EYS: variants seen among roughly 807,000 people sequenced by gnomAD.
The protein encoded by EYS is EGF-like photoreceptor maintenance factor.
In EYS, 250 loss-of-function variants were observed where a neutral mutation model predicts 282.1. The observed-to-expected ratio is 0.89, with a 90% CI of 0.80 to 0.98. The LOEUF (loss-of-function observed/expected upper bound fraction) is 0.98. Ranked by LOEUF, EYS falls within the 50% of genes least tolerant of loss-of-function variation. The probability of loss-of-function intolerance (pLI) is 0.00; values close to 1 mark genes in which losing one functional copy is unlikely to be tolerated. For missense variants in EYS, 4,016 were observed against 3,709.0 expected, an observed-to-expected ratio of 1.08 and a Z score of -2.15; for synonymous variants, 1,355 against 1,282.9, an observed-to-expected ratio of 1.06 and a Z score of -1.20.
chr6:64,961,348 A>G lies in EYS; in HGVS notation c.2260-15434T>C, dbSNP rs73767200. Among the ~76,000 whole-genome samples the G allele has an allele frequency of 2.2e-3, 331 of 152,296 alleles. 4 individuals are homozygous for G. Among genetic ancestry groups the G allele is most frequent in the African/African-American group, 7.4e-3 (307 of 41,580 alleles). On this transcript the variant is annotated intron_variant, in intron 14 of 42. Transcript: ENST00000503581. The stretch of plus-strand genomic sequence containing the variant: ...TTGTATGTATCTGTTGTTGTAAACT[A>G]TTAATTATTCAAATAAATTTTAATA...
At chr6:65,129,401 A>C (rs1775804432) in intron 12 of EYS, among the ~76,000 whole-genome samples, 1 of 152,046 alleles carries the variant, frequency 6.6e-6, no homozygotes, top group South Asian at 2.1e-4. Flanking sequence ...GAATGGGGAA[A>C]ATATTTGCAA....
chr6:64,346,958 A>G (rs796774900), intron 29 of EYS, among the ~76,000 whole-genome samples: 9 of 151,580 alleles, frequency 5.9e-5, no homozygotes, highest in East Asian at 5.9e-4. Flanking sequence ...AGCTTTGACT[A>G]CTAAAAATGC....
At chr6:65,213,374 C>T (rs1290030545) in intron 12 of EYS, among the ~76,000 whole-genome samples, 2 of 152,040 alleles carry the variant, frequency 1.3e-5, no homozygotes, top group African/African-American at 4.8e-5. Context: ...ACAGACATGC[C>T]TTGTTTTATT....
intron 34 of EYS, among the ~76,000 whole-genome samples, chr6:63,992,649 A>G (rs1197646386): frequency 1.3e-5 from 2 of 151,854 alleles, no homozygotes; most frequent in African/African-American, 4.8e-5. Flanking sequence ...AAGATACAAA[A>G]AAACAAAAAA....
At chr6:64,935,889 C>A (rs1420179955) in intron 15 of EYS, among the ~76,000 whole-genome samples, 2 of 151,570 alleles carry the variant, frequency 1.3e-5, no homozygotes, top group Non-Finnish European at 3.0e-5. Flanking sequence ...ATAATGAACA[C>A]CAATCCTTCT....
At chr6:64,112,609 G>T (rs1377259381) in intron 31 of EYS, among the ~76,000 whole-genome samples, 1 of 151,454 alleles carries the variant, frequency 6.6e-6, no homozygotes, top group African/African-American at 2.4e-5. Context: ...GGAATTGGTG[G>T]CTTTTTATAC....
chr6:64,235,299 C>A (rs1766562226), intron 30 of EYS, among the ~76,000 whole-genome samples: 1 of 149,234 alleles, frequency 6.7e-6, no homozygotes, highest in Non-Finnish European at 1.5e-5. Context: ...TCCATGTGTC[C>A]TCATTGTTCA....
At chr6:64,958,486 G>A (rs1769793597) in intron 14 of EYS, among the ~76,000 whole-genome samples, 1 of 152,048 alleles carries the variant, frequency 6.6e-6, no homozygotes, top group Admixed American at 6.6e-5. Flanking sequence ...GGTGGCTCAC[G>A]CCTGTAATCC....
chr6:64,843,797 T>C (rs556946521), intron 19 of EYS, among the ~76,000 whole-genome samples: 3 of 152,152 alleles, frequency 2.0e-5, no homozygotes, highest in Non-Finnish European at 4.4e-5. Context: ...TTTTGAAATG[T>C]GAGGACATGA....
chr6:63,923,960 G>C (rs181545855), intron 35 of EYS, among the ~76,000 whole-genome samples: 66 of 151,710 alleles, frequency 4.4e-4, no homozygotes, highest in African/African-American at 1.5e-3. Flanking sequence ...GAATCTGATT[G>C]GTCAATAAAC....
At chr6:63,846,705 C>G (rs1772106159) in intron 36 of EYS, among the ~76,000 whole-genome samples, 1 of 152,138 alleles carries the variant, frequency 6.6e-6, no homozygotes, top group East Asian at 1.9e-4. Context: ...CAGTTAGGCT[C>G]TATAGTGACT....
chr6:65,637,772 C>G lies in EYS; in HGVS notation c.-333+2006G>C, dbSNP rs915615957. 5.0e-4 allele frequency among the ~76,000 whole-genome samples: 76 copies of G among 152,200 alleles called. 1 individual carries two copies. Among genetic ancestry groups the G allele is most frequent in the African/African-American group, 1.8e-3 (75 of 41,452 alleles). On this transcript the variant is annotated intron_variant, in intron 2 of 42. Coordinates refer to ENST00000503581, the MANE Select transcript of EYS (RefSeq NM_001142800.2). ...CACACCAGCTCCCTGCTGCCTCAGCCTCCTCCAGACTTCGGGCACCAACAA... is the reference window on the plus strand; with the variant it reads ...CACACCAGCTCCCTGCTGCCTCAGCGTCCTCCAGACTTCGGGCACCAACAA...
intron 12 of EYS, among the ~76,000 whole-genome samples, chr6:65,090,364 T>C (rs1000430249): frequency 6.6e-6 from 1 of 152,158 alleles, no homozygotes; most frequent in African/African-American, 2.4e-5. Flanking sequence ...TCCACCATAA[T>C]TGTATGTTTC....
chr6:64,344,086 G>T (rs989239973), intron 29 of EYS, among the ~76,000 whole-genome samples: 1 of 151,974 alleles, frequency 6.6e-6, no homozygotes, highest in Non-Finnish European at 1.5e-5. Flanking sequence ...CCAAAAAAAA[G>T]TCCAGGACAA....
chr6:65,400,857 C>G (rs964049716), intron 7 of EYS, among the ~76,000 whole-genome samples: 7 of 151,782 alleles, frequency 4.6e-5, no homozygotes, highest in Non-Finnish European at 1.0e-4. Context: ...AGTAAAACTT[C>G]AGTAGAAGAG....
At chr6:64,830,081 G>C (rs1471862041) in intron 19 of EYS, among the ~76,000 whole-genome samples, 3 of 151,920 alleles carry the variant, frequency 2.0e-5, no homozygotes, top group Non-Finnish European at 2.9e-5. Context: ...GTGATGATTA[G>C]GTCATAAGGG....
At chr6:64,935,686 C>T (rs552503997) in intron 15 of EYS, among the ~76,000 whole-genome samples, 6 of 151,716 alleles carry the variant, frequency 4.0e-5, no homozygotes, top group Non-Finnish European at 4.4e-5. Flanking sequence ...AACAATTACA[C>T]GCTAACCAAT....
intron 36 of EYS, among the ~76,000 whole-genome samples, chr6:63,809,331 T>C (rs895617906): frequency 1.8e-4 from 27 of 152,222 alleles, no homozygotes; most frequent in Non-Finnish European, 3.2e-4. Context: ...AGGTAACATT[T>C]GGTTAATTTG....
chr6:65,442,950 G>A (rs115571602), intron 5 of EYS, among the ~76,000 whole-genome samples: 1,425 of 106,782 alleles, frequency 0.013, 119 homozygotes, highest in Non-Finnish European at 0.021. Context: ...GTATATACAT[G>A]CACATACATA....
Sources: allele counts gnomAD v4.1 joint callset (sites outside exome capture counted in the v4.1 genomes callset), GRCh38; gene constraint gnomAD v4.1.1; transcripts MANE v1.5; gene names NCBI Gene and HGNC (gene_info 2026-07-23, HGNC 2026-07-21).